Variants in BMAL1 observed in about 807,000 individuals in gnomAD.
BMAL1 encodes the protein basic helix-loop-helix ARNT like 1.
At chr11:13,286,211 C>T in the BMAL1 span, among the ~76,000 whole-genome samples, 2 of 152,222 alleles carry the variant, frequency 1.3e-5, no homozygotes, top group African/African-American at 4.8e-5. Flanking sequence ...CTCTCAGTAG[C>T]ATTGTACCTC....
the BMAL1 span, chr11:13,355,312 T>C: frequency 6.2e-7 from 1 of 1,613,296 alleles, no homozygotes; most frequent in Non-Finnish European, 8.5e-7. Context: ...TTATCCCAGA[T>C]GATTAAGACA....
the BMAL1 span, among the ~76,000 whole-genome samples, chr11:13,319,637 GGT>G: frequency 6.6e-6 from 1 of 152,138 alleles, no homozygotes; most frequent in South Asian, 2.1e-4. Flanking sequence ...CTTTGATGGT[GGT>G]TATCATCCTG....
At chr11:13,322,389 A>G in the BMAL1 span, among the ~76,000 whole-genome samples, 1 of 152,208 alleles carries the variant, frequency 6.6e-6, no homozygotes, top group Non-Finnish European at 1.5e-5. Context: ...AACTCCTCAA[A>G]GGAAGATACT....
At chr11:13,278,038 C>T in the BMAL1 span, 2 of 151,886 alleles carry the variant, frequency 1.3e-5, no homozygotes, top group African/African-American at 2.4e-5. Flanking sequence ...ACCCGGCCGC[C>T]GAAGAACCCT....
chr11:13,311,298 G>C, the BMAL1 span, among the ~76,000 whole-genome samples: 1 of 152,216 alleles, frequency 6.6e-6, no homozygotes, highest in Non-Finnish European at 1.5e-5. Flanking sequence ...TGAGCAGTGG[G>C]CTGAGCTGTG....
At chr11:13,308,208 AT>A in the BMAL1 span, among the ~76,000 whole-genome samples, 1 of 152,158 alleles carries the variant, frequency 6.6e-6, no homozygotes, top group East Asian at 1.9e-4. Context: ...CTGGAAGAAC[AT>A]TGTCTTAAAC....
At chr11:13,343,408 G>A in the BMAL1 span, among the ~76,000 whole-genome samples, 5 of 152,146 alleles carry the variant, frequency 3.3e-5, no homozygotes, top group African/African-American at 9.7e-5. Flanking sequence ...TAATCTCCTC[G>A]ATCTGCTTGC....
the BMAL1 span, chr11:13,378,509 C>T: frequency 6.4e-7 from 1 of 1,553,558 alleles, no homozygotes; most frequent in Admixed American, 2.0e-5. Context: ...AATTTTTTCC[C>T]CCAGGCAATA....
chr11:13,291,518 TCTC>T, the BMAL1 span, among the ~76,000 whole-genome samples: 1 of 152,178 alleles, frequency 6.6e-6, no homozygotes, highest in Non-Finnish European at 1.5e-5. Flanking sequence ...TGTTATGACA[TCTC>T]CTCTTGTGGA....
the BMAL1 span, among the ~76,000 whole-genome samples, chr11:13,314,229 CCACACACACACACACACACACA>C: frequency 2.2e-5 from 3 of 138,648 alleles, no homozygotes; most frequent in African/African-American, 8.1e-5. Flanking sequence ...AGGGTGGAGA[CCACACACACACACACACACACA>C]CACACACACA....
chr11:13,294,149 A>G, the BMAL1 span, among the ~76,000 whole-genome samples: 2 of 152,078 alleles, frequency 1.3e-5, no homozygotes, highest in Admixed American at 1.3e-4. Flanking sequence ...AAGGGTTTGT[A>G]TTGTTCATTT....
chr11:13,368,804 AC>A, the BMAL1 span, among the ~76,000 whole-genome samples: 1 of 152,246 alleles, frequency 6.6e-6, no homozygotes, highest in Non-Finnish European at 1.5e-5. Flanking sequence ...AATGCAAACC[AC>A]AAACATGAGC....
the BMAL1 span, among the ~76,000 whole-genome samples, chr11:13,359,307 C>T: frequency 1.3e-5 from 2 of 152,150 alleles, no homozygotes; most frequent in Non-Finnish European, 2.9e-5. Context: ...GGAAAGTGGG[C>T]GCTCAGTCAG....
the BMAL1 span, chr11:13,354,417 C>T: frequency 6.2e-7 from 1 of 1,614,122 alleles, no homozygotes; most frequent in African/African-American, 1.3e-5. Context: ...GGATTGCAAC[C>T]GCAAACGGAA....
At chr11:13,369,570 C>G in the BMAL1 span, 1 of 1,607,970 alleles carries the variant, frequency 6.2e-7, no homozygotes, top group Non-Finnish European at 8.5e-7. Context: ...CCCCTCCTGA[C>G]AGACAACACT....
At chr11:13,361,990 G>A in the BMAL1 span, among the ~76,000 whole-genome samples, 1 of 152,218 alleles carries the variant, frequency 6.6e-6, no homozygotes, top group African/African-American at 2.4e-5. Context: ...TAGCTGCAGG[G>A]CAGGGTGCAG....
chr11:13,357,771 G>A, the BMAL1 span, among the ~76,000 whole-genome samples: 6 of 152,178 alleles, frequency 3.9e-5, no homozygotes, highest in Non-Finnish European at 5.9e-5. This position sits in a 1 kb window ranked among gnomAD's most constrained non-coding sequence, Gnocchi z 4.8. Flanking sequence ...CATTTCCATC[G>A]TTGCTGCACC....
At chr11:13,287,459 A>G in the BMAL1 span, among the ~76,000 whole-genome samples, 8 of 152,334 alleles carry the variant, frequency 5.3e-5, 2 homozygotes, top group African/African-American at 1.7e-4. Context: ...ACCAGTGGCA[A>G]TGTCATCTCT....
chr11:13,366,893 T>A, the BMAL1 span: 2 of 645,040 alleles, frequency 3.1e-6, no homozygotes, highest in Non-Finnish European at 2.6e-6. Context: ...CAGTCCTACT[T>A]CTCTGTCCTC....
Sources: allele counts gnomAD v4.1 joint callset (sites outside exome capture counted in the v4.1 genomes callset), GRCh38; gene constraint gnomAD v4.1.1; non-coding constraint Gnocchi (gnomAD v3.1); transcripts MANE v1.5; gene names NCBI Gene and HGNC (gene_info 2026-07-23, HGNC 2026-07-21).